The following NKAIN2 variants were observed in gnomAD, a reference collection of about 807,000 sequenced individuals.
NKAIN2 encodes the protein sodium/potassium-transporting ATPase subunit beta-1-interacting protein 2.
NKAIN2 carries 14 observed loss-of-function variants against 32.6 expected under a neutral mutation model. The ratio of observed to expected loss-of-function variants is 0.43; its 90% CI spans 0.28 to 0.67. The LOEUF is 0.67. Among genes scored for constraint, NKAIN2 ranks in the 30% least tolerant of loss-of-function variants. The pLI is 0.17. For missense variants in NKAIN2, 198 were observed against 258.3 expected, an observed-to-expected ratio of 0.77 and a Z score of 1.60; for synonymous variants, 80 against 87.2, an observed-to-expected ratio of 0.92 and a Z score of 0.46.
intron 3 of NKAIN2, among the ~76,000 whole-genome samples, chr6:124,408,724 T>C (rs962266745): frequency 2.0e-5 from 3 of 152,188 alleles, no homozygotes; most frequent in African/African-American, 7.2e-5. Context: ...TTTTTTCCAA[T>C]TCTGTGAAGA....
chr6:124,230,926 G>C (rs1287074455), intron 1 of NKAIN2, among the ~76,000 whole-genome samples: 1 of 152,170 alleles, frequency 6.6e-6, no homozygotes, highest in African/African-American at 2.4e-5. Context: ...TGAGAAGGGG[G>C]CCACTGTCCT....
At chr6:124,718,921 AACT>A (rs1482514692) in intron 4 of NKAIN2, among the ~76,000 whole-genome samples, 1 of 152,192 alleles carries the variant, frequency 6.6e-6, no homozygotes, top group East Asian at 1.9e-4. Context: ...AAAAAAAATG[AACT>A]ACAATTCATA....
intron 2 of NKAIN2, among the ~76,000 whole-genome samples, chr6:124,347,519 A>T (rs1216547550): frequency 6.6e-6 from 1 of 152,154 alleles, no homozygotes; most frequent in Non-Finnish European, 1.5e-5. Flanking sequence ...TATTTCTTGG[A>T]GGCTTTGTTC....
intron 3 of NKAIN2, among the ~76,000 whole-genome samples, chr6:124,573,623 A>AT (rs34827900): frequency 2.6e-5 from 4 of 152,008 alleles, no homozygotes; most frequent in South Asian, 2.1e-4. Context: ...CTCACATTAA[A>AT]TTTTTTTTAA....
chr6:123,921,871 C>T (rs1469001791), intron 1 of NKAIN2, among the ~76,000 whole-genome samples: 1 of 151,570 alleles, frequency 6.6e-6, no homozygotes, highest in Non-Finnish European at 1.5e-5. Context: ...GCGGAGCTTG[C>T]AGTGAGCTGA....
intron 3 of NKAIN2, among the ~76,000 whole-genome samples, chr6:124,442,739 T>C (rs764922189): frequency 2.0e-5 from 3 of 152,144 alleles, no homozygotes; most frequent in South Asian, 2.1e-4. Flanking sequence ...CCCAGTAGCA[T>C]GCCAGAAGCT....
chr6:124,761,797 T>C (rs2114736950), intron 4 of NKAIN2, among the ~76,000 whole-genome samples: 1 of 152,296 alleles, frequency 6.6e-6, no homozygotes, highest in Middle Eastern at 3.4e-3. Context: ...GGGGAAAAAC[T>C]TATATTAATA....
At chr6:124,098,587 T>C (rs1784742402) in intron 1 of NKAIN2, among the ~76,000 whole-genome samples, 1 of 151,994 alleles carries the variant, frequency 6.6e-6, no homozygotes, top group African/African-American at 2.4e-5. Flanking sequence ...GAAAAATGAG[T>C]GGGCCGGGCA....
chr6:124,135,116 C>T (rs375955010), intron 1 of NKAIN2, among the ~76,000 whole-genome samples: 65 of 151,942 alleles, frequency 4.3e-4, no homozygotes, highest in African/African-American at 1.6e-3. Context: ...ACAAGAAATG[C>T]CAAAGGGAGT....
At chr6:124,421,644 G>T (rs753012864) in intron 3 of NKAIN2, among the ~76,000 whole-genome samples, 22 of 152,152 alleles carry the variant, frequency 1.4e-4, no homozygotes, top group Non-Finnish European at 2.5e-4. Context: ...TCACATGAGG[G>T]TTAATGATGT....
At chr6:124,099,509 C>T (rs1347361389) in intron 1 of NKAIN2, among the ~76,000 whole-genome samples, 1 of 152,172 alleles carries the variant, frequency 6.6e-6, no homozygotes, top group Non-Finnish European at 1.5e-5. Flanking sequence ...AATGTAAAGA[C>T]ATTGTTCCGC....
At chr6:123,869,088 G>C (rs189644332) in intron 1 of NKAIN2, among the ~76,000 whole-genome samples, 1 of 152,244 alleles carries the variant, frequency 6.6e-6, no homozygotes, top group East Asian at 1.9e-4. Flanking sequence ...TAAATATAAA[G>C]TGCTTTAAAG....
chr6:124,489,688 T>G (rs937264808), intron 3 of NKAIN2, among the ~76,000 whole-genome samples: 1 of 151,886 alleles, frequency 6.6e-6, no homozygotes, highest in Non-Finnish European at 1.5e-5. Flanking sequence ...ACAGTTTCTA[T>G]TGAATGCATA....
chr6:124,490,155 C>A (rs1031924878), intron 3 of NKAIN2, among the ~76,000 whole-genome samples: 1 of 151,740 alleles, frequency 6.6e-6, no homozygotes, highest in Non-Finnish European at 1.5e-5. Flanking sequence ...ACTTCAGATG[C>A]ATAGAGTTAG....
intron 1 of NKAIN2, among the ~76,000 whole-genome samples, chr6:124,184,990 A>G (rs1177036311): frequency 3.3e-5 from 5 of 152,206 alleles, no homozygotes; most frequent in South Asian, 2.1e-4. Context: ...CATTTTCTTC[A>G]TATTCAAATT....
intron 3 of NKAIN2, among the ~76,000 whole-genome samples, chr6:124,580,369 A>G (rs1781476437): frequency 6.6e-6 from 1 of 152,198 alleles, no homozygotes; most frequent in Non-Finnish European, 1.5e-5. Flanking sequence ...TCAAGTGTGA[A>G]GTTTTTATTC....
intron 2 of NKAIN2, among the ~76,000 whole-genome samples, chr6:124,301,330 C>A (rs1287656809): frequency 2.6e-5 from 4 of 152,204 alleles, no homozygotes; most frequent in Admixed American, 2.6e-4. Flanking sequence ...ATGGAAATGC[C>A]TGGATGTCCA....
At chr6:124,616,477 T>C (rs1583526425) in intron 3 of NKAIN2, among the ~76,000 whole-genome samples, 1 of 36,768 alleles carries the variant, frequency 2.7e-5, no homozygotes, top group Admixed American at 4.1e-4. Context: ...TTTTTTTTTT[T>C]TTTTTTTTTT....
At chr6:124,370,324 G>T (rs1167009337) in intron 3 of NKAIN2, among the ~76,000 whole-genome samples, 2 of 151,928 alleles carry the variant, frequency 1.3e-5, no homozygotes, top group African/African-American at 4.8e-5. Context: ...CTCTTTATAG[G>T]TTATATTTTT....
Sources: allele counts gnomAD v4.1 joint callset (sites outside exome capture counted in the v4.1 genomes callset), GRCh38; gene constraint gnomAD v4.1.1; transcripts MANE v1.5; gene names NCBI Gene and HGNC (gene_info 2026-07-23, HGNC 2026-07-21).